Variants in COL22A1 observed in about 807,000 individuals in gnomAD.
COL22A1 encodes collagen type XXII alpha 1 chain.
A neutral mutation model predicts 248.9 loss-of-function variants in COL22A1; 221 were observed. The observed-to-expected ratio is 0.89, with a 90% CI of 0.80 to 0.99. COL22A1 has a LOEUF of 0.99. Among genes scored for constraint, COL22A1 ranks in the 50% least tolerant of loss-of-function variants. The pLI is 0.00. For synonymous variants in COL22A1, 891 were observed against 793.4 expected (o/e 1.12, Z -2.07); for missense variants, 2,240 against 2,179.0 (o/e 1.03, Z -0.56).
At chr8:138,781,881 G>A (rs2131533825) in intron 12 of COL22A1, among the ~76,000 whole-genome samples, 1 of 152,240 alleles carries the variant, frequency 6.6e-6, no homozygotes, top group East Asian at 1.9e-4. Context: ...CGGGTGCTGG[G>A]TATTCAATGA....
chr8:138,636,842 T>C (rs891831971), intron 47 of COL22A1, 47 bp from the exon 48 acceptor site: 3 of 1,466,746 alleles, frequency 2.0e-6, no homozygotes, highest in Non-Finnish European at 2.9e-6. Context: ...GAAATTTTAA[T>C]AGGAAAACAA....
chr8:138,772,880 A>C (rs1482343478), intron 16 of COL22A1, among the ~76,000 whole-genome samples: 1 of 152,010 alleles, frequency 6.6e-6, no homozygotes, highest in Admixed American at 6.6e-5. Flanking sequence ...TAAAACAAAA[A>C]ACAACAACAA....
At chr8:138,694,395 C>A in intron 34 of COL22A1, 113 bp downstream of exon 34, 4 of 1,068,960 alleles carry the variant, frequency 3.7e-6, no homozygotes, top group Admixed American at 1.7e-5. Context: ...CTCTGCCCAG[C>A]GTCTACTCCC....
At chr8:138,851,418 G>A (rs1413112727) in intron 3 of COL22A1, among the ~76,000 whole-genome samples, 2 of 152,224 alleles carry the variant, frequency 1.3e-5, no homozygotes, top group Admixed American at 6.5e-5. Flanking sequence ...GGCCGAGTTT[G>A]GAATTCAGAG....
chr8:138,590,507 T>C (rs996203486), intron 64 of COL22A1, among the ~76,000 whole-genome samples: 1 of 152,184 alleles, frequency 6.6e-6, no homozygotes, highest in Non-Finnish European at 1.5e-5. Flanking sequence ...TATTGTAAGC[T>C]ATTTGAAAAT....
chr8:138,694,753 C>T, intron 33 of COL22A1, 73 bp downstream of exon 33: 1 of 1,555,930 alleles, frequency 6.4e-7, no homozygotes, highest in Non-Finnish European at 8.8e-7. Context: ...TGCAGATCTA[C>T]AGCTGGTCAG....
chr8:138,634,296 C>A (rs1820963573), intron 49 of COL22A1, among the ~76,000 whole-genome samples: 1 of 152,100 alleles, frequency 6.6e-6, no homozygotes, highest in Non-Finnish European at 1.5e-5. Context: ...TTTCGGTGGT[C>A]TTTCAGTCAT....
intron 12 of COL22A1, among the ~76,000 whole-genome samples, chr8:138,794,669 T>C (rs889180015): frequency 1.3e-5 from 2 of 152,170 alleles, no homozygotes; most frequent in Admixed American, 1.3e-4. Context: ...CATGGTATAC[T>C]GAATTGCTAG....
At chr8:138,844,806 C>T (rs966116175) in intron 3 of COL22A1, among the ~76,000 whole-genome samples, 7 of 151,998 alleles carry the variant, frequency 4.6e-5, no homozygotes, top group Non-Finnish European at 7.4e-5. Context: ...AAAAATTAGC[C>T]GGGCGTGGTG....
At chr8:138,833,819 G>A (rs1820232093) in intron 4 of COL22A1, among the ~76,000 whole-genome samples, 1 of 152,102 alleles carries the variant, frequency 6.6e-6, no homozygotes, top group Non-Finnish European at 1.5e-5. Context: ...GGGTAAGGAC[G>A]GGGGTTTGAT....
chr8:138,805,483 G>A (rs1030194481), intron 10 of COL22A1, among the ~76,000 whole-genome samples: 3 of 147,548 alleles, frequency 2.0e-5, no homozygotes, highest in African/African-American at 7.6e-5. Flanking sequence ...ATATGGGATG[G>A]CATGTGATGG....
chr8:138,888,281 A>C (rs1274641629), intron 1 of COL22A1, among the ~76,000 whole-genome samples: 1 of 152,136 alleles, frequency 6.6e-6, no homozygotes, highest in Non-Finnish European at 1.5e-5. Flanking sequence ...AAGGAAGCCC[A>C]GGGGGTTGTA....
chr8:138,605,340 A>G (rs1003977898), intron 58 of COL22A1, among the ~76,000 whole-genome samples: 5 of 152,226 alleles, frequency 3.3e-5, no homozygotes, highest in Admixed American at 2.6e-4. Flanking sequence ...TGAGGGCTGG[A>G]CAAGCACCCC....
intron 1 of COL22A1, among the ~76,000 whole-genome samples, chr8:138,900,384 C>T (rs1433531020): frequency 1.3e-5 from 2 of 152,238 alleles, no homozygotes; most frequent in Admixed American, 6.5e-5. Context: ...GAATTGGCTT[C>T]AGCCCTACAC....
chr8:138,692,248 GTATGTGTGC>G (rs1827093059), intron 35 of COL22A1, among the ~76,000 whole-genome samples: 116 of 53,018 alleles, frequency 2.2e-3, no homozygotes, highest in South Asian at 3.4e-3. Context: ...GTTTGTGGAC[GTATGTGTGC>G]GTGTGTGCAT....
intron 1 of COL22A1, among the ~76,000 whole-genome samples, chr8:138,909,384 T>G (rs1328575124): frequency 1.3e-5 from 2 of 151,980 alleles, no homozygotes; most frequent in Non-Finnish European, 2.9e-5. Flanking sequence ...CCTTTTTTTT[T>G]TTTTCTTTTT....
chr8:138,859,653 T>C (rs1586906029), intron 3 of COL22A1, among the ~76,000 whole-genome samples: 1 of 151,646 alleles, frequency 6.6e-6, no homozygotes, highest in African/African-American at 2.4e-5. Flanking sequence ...AATCTAGGGG[T>C]GGCGCCACCC....
intron 63 of COL22A1, 45 bp from the exon 64 acceptor site, chr8:138,591,546 A>T: frequency 6.9e-7 from 1 of 1,442,112 alleles, no homozygotes; most frequent in Non-Finnish European, 9.3e-7. Context: ...ACCCCCGGGG[A>T]GGACAGAAAC....
intron 45 of COL22A1, among the ~76,000 whole-genome samples, chr8:138,654,245 A>G (rs1823010548): frequency 6.6e-6 from 1 of 152,176 alleles, no homozygotes; most frequent in East Asian, 1.9e-4. Context: ...AAAAGAATCC[A>G]GGCTAATAAA....
Sources: allele counts gnomAD v4.1 joint callset (sites outside exome capture counted in the v4.1 genomes callset), GRCh38; gene constraint gnomAD v4.1.1; transcripts MANE v1.5; gene names NCBI Gene and HGNC (gene_info 2026-07-23, HGNC 2026-07-21).